The following SGCD variants were observed in gnomAD, a reference collection of about 807,000 sequenced individuals.
SGCD encodes the protein sarcoglycan delta, also known as delta-sarcoglycan.
SGCD carries 18 observed loss-of-function variants against 36.6 expected under a neutral mutation model. The ratio of observed to expected loss-of-function variants is 0.49; its 90% CI spans 0.34 to 0.73. SGCD has a LOEUF of 0.73. Among genes scored for constraint, SGCD ranks in the 30% least tolerant of loss-of-function variants. The probability of loss-of-function intolerance (pLI) is 0.01; values close to 1 mark genes in which losing one functional copy is unlikely to be tolerated. For missense variants in SGCD, 387 were observed against 346.7 expected (o/e 1.12, Z -0.92); for synonymous variants, 133 against 130.6 (o/e 1.02, Z -0.12).
At chr5:156,120,656 CTATT>C (rs1461693817) in intron 2 of SGCD, among the ~76,000 whole-genome samples, 1 of 152,104 alleles carries the variant, frequency 6.6e-6, no homozygotes, top group Admixed American at 6.6e-5. Context: ...AGCATTGTAA[CTATT>C]TATTAGGTTG....
chr5:156,263,181 C>T (rs1209562514), intron 3 of SGCD, among the ~76,000 whole-genome samples: 2 of 152,024 alleles, frequency 1.3e-5, no homozygotes, highest in Non-Finnish European at 2.9e-5. Context: ...AAGGAATCTC[C>T]ACCCTGTTTT....
chr5:156,005,709 C>A (rs1307828084), intron 1 of SGCD, among the ~76,000 whole-genome samples: 1 of 152,198 alleles, frequency 6.6e-6, no homozygotes, highest in African/African-American at 2.4e-5. Context: ...CTTGGCCTCC[C>A]AAAGTGCTAG....
At chr5:156,242,802 A>T (rs2127657027) in intron 3 of SGCD, among the ~76,000 whole-genome samples, 1 of 152,308 alleles carries the variant, frequency 6.6e-6, no homozygotes, top group South Asian at 2.1e-4. Context: ...GTGGTGTTGG[A>T]GCCTGAGATG....
chr5:156,745,865 A>G (rs1756917802), intron 7 of SGCD, among the ~76,000 whole-genome samples: 1 of 152,138 alleles, frequency 6.6e-6, no homozygotes, highest in Non-Finnish European at 1.5e-5. Context: ...CCTCAAAAGC[A>G]GAGAGACAGA....
chr5:156,526,851 A>G (rs1440935709), intron 4 of SGCD, among the ~76,000 whole-genome samples: 2 of 152,226 alleles, frequency 1.3e-5, no homozygotes, highest in African/African-American at 2.4e-5. Flanking sequence ...CTGCCATACA[A>G]TTAACATGGC....
At chr5:156,219,833 C>T (rs1764674643) in intron 3 of SGCD, among the ~76,000 whole-genome samples, 2 of 152,018 alleles carry the variant, frequency 1.3e-5, no homozygotes, top group African/African-American at 4.8e-5. Context: ...AAGTTTTAGC[C>T]CCGTATTGGA....
chr5:156,346,603 AG>A (rs1768954369), intron 3 of SGCD, among the ~76,000 whole-genome samples: 1 of 152,032 alleles, frequency 6.6e-6, no homozygotes, highest in African/African-American at 2.4e-5. Context: ...TCCAGCTAAG[AG>A]TTCAGTTCTT....
intron 3 of SGCD, among the ~76,000 whole-genome samples, chr5:156,437,318 G>A (rs1362442038): frequency 6.6e-6 from 1 of 151,990 alleles, no homozygotes; most frequent in Non-Finnish European, 1.5e-5. Flanking sequence ...TACTTCAAAG[G>A]GGAGTATTCA....
chr5:156,010,657 C>A (rs1758841908), intron 1 of SGCD, among the ~76,000 whole-genome samples: 1 of 152,096 alleles, frequency 6.6e-6, no homozygotes, highest in Non-Finnish European at 1.5e-5. Flanking sequence ...ATGCTAAGTG[C>A]TCTACATATA....
Position 156,496,194 on chromosome 5 carries a change from A to G in SGCD, c.193-12407A>G, listed in dbSNP as rs78771657. Reference sequence around the variant, plus strand: ...ACCTTAATGTTTCTTCTGTCCAACTACCTATTATGGGTGAGATGAAACAGA... The same window carrying G: ...ACCTTAATGTTTCTTCTGTCCAACTGCCTATTATGGGTGAGATGAAACAGA... On this transcript the variant is annotated intron_variant, in intron 3 of 8. Coordinates refer to ENST00000337851, the MANE Select transcript of SGCD (RefSeq NM_000337.6). Among the ~76,000 whole-genome samples the G allele has an allele frequency of 3.1e-3, 478 of 152,068 alleles. 2 individuals carry two copies. Among genetic ancestry groups the G allele is most frequent in the Non-Finnish European group, 4.7e-3 (319 of 67,974 alleles).
chr5:156,475,356 AG>A (rs1561719707), intron 3 of SGCD, among the ~76,000 whole-genome samples: 1 of 152,140 alleles, frequency 6.6e-6, no homozygotes, highest in Non-Finnish European at 1.5e-5. Context: ...GCTCTGTCAT[AG>A]TGACAGTTCA....
rs76192602 is a variant in SGCD, at chr5:156,240,950, T to C, written c.-43-88584T>C. Among the ~76,000 whole-genome samples, 520 of 152,318 alleles carry C rather than the reference T, an allele frequency of 3.4e-3. 2 individuals are homozygous for C. The highest frequency in any genetic ancestry group is 5.6e-3 in the Non-Finnish European group (378 of 68,040). ...TATAATTTGCTCTCAGATGAGATTTTTTGGGCTCTAGATTAATTTATTAAA... is the reference window on the plus strand; with the variant it reads ...TATAATTTGCTCTCAGATGAGATTTCTTGGGCTCTAGATTAATTTATTAAA... On this transcript the variant is annotated intron_variant, in intron 3 of 9. Transcript: ENST00000517913.
chr5:156,185,469 C>T (rs2127629471), intron 3 of SGCD, among the ~76,000 whole-genome samples: 1 of 152,208 alleles, frequency 6.6e-6, no homozygotes, highest in African/African-American at 2.4e-5. Context: ...CCGCCTTGGC[C>T]TCCCAAAGTG....
rs545730658 is a variant in SGCD at position 156,518,820 on chromosome 5, A to G, written c.294+10118A>G. On this transcript the variant is annotated intron_variant, in intron 4 of 8. Coordinates refer to ENST00000337851, the MANE Select transcript of SGCD (RefSeq NM_000337.6). ...TGAAACTAATGAGAACAAAGGGACA[A>G]TGTACCAGAATCTCTGGGATGCAGT... 3.3e-5 allele frequency among the ~76,000 whole-genome samples: 5 copies of G among 152,350 alleles called. No individual in the cohort carries two copies. The South Asian group carries it at 8.3e-4, about 25-fold the overall frequency.
chr5:156,220,788 TCTC>T (rs1322316805), intron 3 of SGCD, among the ~76,000 whole-genome samples: 14 of 152,150 alleles, frequency 9.2e-5, no homozygotes, highest in South Asian at 6.2e-4. Context: ...AGCAAGTAAA[TCTC>T]AGCCCACAAA....
At chr5:156,384,777 C>T (rs546278636) in intron 3 of SGCD, among the ~76,000 whole-genome samples, 1 of 152,266 alleles carries the variant, frequency 6.6e-6, no homozygotes, top group Admixed American at 6.5e-5. Context: ...TCTAATGCAA[C>T]ACTATGAAGA....
At chr5:155,990,606 A>C (rs1181608499) in intron 1 of SGCD, among the ~76,000 whole-genome samples, 1 of 152,152 alleles carries the variant, frequency 6.6e-6, no homozygotes, top group African/African-American at 2.4e-5. Context: ...TAGTCATATA[A>C]AATATTTGAA....
the SGCD span, among the ~76,000 whole-genome samples, chr5:155,835,644 G>A: frequency 6.6e-6 from 1 of 152,178 alleles, no homozygotes; most frequent in South Asian, 2.1e-4. Context: ...TTACATGTGT[G>A]TGTCTAGTCT....
At chr5:156,734,116 G>A (rs1374803886) in intron 7 of SGCD, among the ~76,000 whole-genome samples, 1 of 152,026 alleles carries the variant, frequency 6.6e-6, no homozygotes, top group Admixed American at 6.6e-5. Flanking sequence ...AATTCTCTCA[G>A]CATTTGTTTG....
Sources: allele counts gnomAD v4.1 joint callset (sites outside exome capture counted in the v4.1 genomes callset), GRCh38; gene constraint gnomAD v4.1.1; transcripts MANE v1.5; gene names NCBI Gene and HGNC (gene_info 2026-07-23, HGNC 2026-07-21).